ANAPC2: variants seen among roughly 807,000 people sequenced by gnomAD.
ANAPC2 encodes the protein anaphase-promoting complex subunit 2.
Under a neutral mutation model 84.3 loss-of-function variants are expected in ANAPC2, and 29 were observed. That is an observed-to-expected ratio of 0.34 (90% CI 0.26 to 0.47). The LOEUF is 0.47. Ranked by LOEUF, ANAPC2 falls within the 20% of genes least tolerant of loss-of-function variation. The pLI is 1.00. For synonymous variants in ANAPC2, 571 were observed against 479.4 expected (o/e 1.19, Z -2.50); for missense variants, 857 against 1,131.7 (o/e 0.76, Z 3.48).
intron 12 of ANAPC2, 40 bp from the exon 13 acceptor site, chr9:137,175,194 C>A: frequency 6.2e-7 from 1 of 1,603,344 alleles, no homozygotes; most frequent in East Asian, 2.3e-5. Context: ...ACCTGCAGGC[C>A]TCGCCCCCGC....
intron 10 of ANAPC2, among the ~76,000 whole-genome samples, chr9:137,177,409 C>T (rs980788121): frequency 6.8e-6 from 1 of 148,012 alleles, no homozygotes; most frequent in Non-Finnish European, 1.5e-5. Flanking sequence ...GCTGATTTCA[C>T]GGCGTCCCAG....
intron 10 of ANAPC2, among the ~76,000 whole-genome samples, chr9:137,178,439 C>T (rs530592821): frequency 1.3e-5 from 2 of 152,356 alleles, no homozygotes; most frequent in South Asian, 2.1e-4. Flanking sequence ...GCCTGAGCAA[C>T]AGGAAGTGGC....
At chr9:137,185,382 C>T (rs1417230158) in intron 3 of ANAPC2, among the ~76,000 whole-genome samples, 1 of 152,240 alleles carries the variant, frequency 6.6e-6, no homozygotes, top group Non-Finnish European at 1.5e-5. Context: ...ACGACCTGTG[C>T]GCTGTGCCTG....
chr9:137,181,499 C>T (rs1246174281), intron 7 of ANAPC2, among the ~76,000 whole-genome samples, 182 bp downstream of exon 7: 1 of 152,232 alleles, frequency 6.6e-6, no homozygotes, highest in Non-Finnish European at 1.5e-5. Context: ...AACAGCCCAT[C>T]ACCGGCCTGC....
chr9:137,184,860 C>T lies in ANAPC2; in HGVS notation c.1048+53G>A, dbSNP rs1283106174. 18 of 1,595,368 alleles carry T rather than the reference C, an allele frequency of 1.1e-5. No homozygotes were observed. In the Admixed American group the frequency reaches 2.9e-4, roughly 26 times the overall value. On this transcript the variant is annotated intron_variant, in intron 4 of 12. Transcript: ENST00000323927. ...ACACAGAGGAGACACGGGGAAGGCC[C>T]TGGGAAGACTCCCCAGACGGGAGAG...
At chr9:137,180,642 CA>C in intron 8 of ANAPC2, 115 bp from the exon 9 acceptor site, 2 of 1,568,684 alleles carry the variant, frequency 1.3e-6, no homozygotes, top group Non-Finnish European at 1.7e-6. Flanking sequence ...GTGGGCACCC[CA>C]ATGGCTAGCA....
chr9:137,179,009 C>G (rs911023855), intron 10 of ANAPC2, among the ~76,000 whole-genome samples: 1 of 152,224 alleles, frequency 6.6e-6, no homozygotes, highest in Non-Finnish European at 1.5e-5. Flanking sequence ...GAAAACACAT[C>G]TAGGTCCAGC....
rs1265175944 is a variant in ANAPC2 at position 137,183,220 on chromosome 9, G to A, written c.1191C>T (p.Ile397=). Residue 397 remains isoleucine, a synonymous_variant, in exon 6 of 13, where the codon ATC becomes ATT. Transcript: ENST00000323927. ...LHPGVNTCDI[I]TLYISAIKAL... is the part of the protein sequence containing the mutation. Reference sequence around the variant, plus strand: ...CCTTGATGGCAGAGATATAGAGGGTGATGATGTCACACGTGTTGACGCCTA... The same window carrying A: ...CCTTGATGGCAGAGATATAGAGGGTAATGATGTCACACGTGTTGACGCCTA... 1.2e-6 allele frequency: 2 copies of A among 1,613,122 alleles called. No homozygotes were observed. Among genetic ancestry groups the A allele is most frequent in the South Asian group, 2.2e-5 (2 of 91,086 alleles).
intron 10 of ANAPC2, 166 bp from the exon 11 acceptor site, chr9:137,176,003 CTGCT>C: frequency 1.2e-6 from 1 of 800,072 alleles, no homozygotes; most frequent in Non-Finnish European, 1.9e-6. Flanking sequence ...GGGTCCCCAC[CTGCT>C]CAGCCACCAT....
chr9:137,179,257 C>G (rs904500785), intron 10 of ANAPC2, among the ~76,000 whole-genome samples: 1 of 152,162 alleles, frequency 6.6e-6, no homozygotes, highest in Non-Finnish European at 1.5e-5. Context: ...GTCCTGAGCA[C>G]TCGCTGGGCA....
At chr9:137,180,063 G>T in intron 10 of ANAPC2, 118 bp downstream of exon 10, 2 of 1,198,940 alleles carry the variant, frequency 1.7e-6, no homozygotes, top group Admixed American at 2.3e-5. Context: ...TGCGAGACAG[G>T]ACCAACCCAG....
At position 137,183,847 on chromosome 9, in the gene ANAPC2, G is replaced by A. The variant is rs1043606677; in HGVS notation, c.1049-56C>T. On this transcript the variant is annotated intron_variant, in intron 4 of 12. Coordinates refer to ENST00000323927, the MANE Select transcript of ANAPC2 (RefSeq NM_013366.4). The stretch of plus-strand genomic sequence containing the variant: ...GACATGGATGCGTGCGCACGTGCAG[G>A]CTGGTGCAGAGTGTGTGCGGTGTGG... 18 of 1,596,522 alleles carry A rather than the reference G, an allele frequency of 1.1e-5. No homozygotes were observed. In the Admixed American group the frequency reaches 1.2e-4, roughly 10 times the overall value.
In ANAPC2 at chr9:137,184,981, T is replaced by C; in HGVS notation, c.980A>G (p.His327Arg). ...GATGCGGTAGAAGAACCTTTGCACGTGGCAGCGCCAGCGGCGCAGGGTGTT... is the reference window on the plus strand; with the variant it reads ...GATGCGGTAGAAGAACCTTTGCACGCGGCAGCGCCAGCGGCGCAGGGTGTT... ...AGNTLRRWRCHVQRFFYRIYA... is the reference protein window; with the variant it reads ...AGNTLRRWRCRVQRFFYRIYA... The change falls in exon 4 of 13, where the codon CAC (histidine) becomes CGC (arginine). Residue 327 changes from histidine (H) to arginine (R), a missense_variant. Physicochemically the swap from His to Arg is conservative, Grantham distance 29. Transcript: ENST00000323927. 2 of 1,612,014 alleles carry C rather than the reference T, an allele frequency of 1.2e-6. No individual in the cohort carries two copies. The highest frequency in any genetic ancestry group is 1.7e-6 in the Non-Finnish European group (2 of 1,179,532).
intron 11 of ANAPC2, 76 bp from the exon 12 acceptor site, chr9:137,175,548 G>A: frequency 6.7e-7 from 1 of 1,484,262 alleles, no homozygotes; most frequent in Non-Finnish European, 9.0e-7. Context: ...CAGCCGAGAG[G>A]TCGGGGGGCT....
chr9:137,187,590 G>T lies in ANAPC2; in HGVS notation c.631C>A (p.Arg211=). The part of the protein sequence containing the change: ...GELDSRYARR[R]YYRLLQSPLC... Reference sequence around the variant, plus strand: ...GGGCTCTGCAGGAGCCGGTAGTACCGGCGACGGGCATACCGGCTGTCCAGC... The same window carrying T: ...GGGCTCTGCAGGAGCCGGTAGTACCTGCGACGGGCATACCGGCTGTCCAGC... Residue 211 remains arginine (R), a synonymous_variant, in exon 2 of 13, where the codon CGG becomes AGG. Transcript: ENST00000323927. 2 of 1,613,986 alleles carry T rather than the reference G, an allele frequency of 1.2e-6. No homozygotes were observed. Among genetic ancestry groups the T allele is most frequent in the South Asian group, 1.1e-5 (1 of 91,090 alleles).
intron 7 of ANAPC2, 94 bp from the exon 8 acceptor site, chr9:137,181,023 C>T (rs1335001486): frequency 1.3e-6 from 2 of 1,499,652 alleles, no homozygotes; most frequent in African/African-American, 1.4e-5. Context: ...CGGCACAGCC[C>T]AGCATGGCTC....
chr9:137,186,524 C>G, intron 2 of ANAPC2, 168 bp from the exon 3 acceptor site: 1 of 1,031,398 alleles, frequency 9.7e-7, no homozygotes, highest in Non-Finnish European at 1.4e-6. Flanking sequence ...GGCGGTTGTA[C>G]CAAAGGCTTC....
rs983940549 is a variant in ANAPC2 at position 137,183,484 on chromosome 9, A to G, written c.1168+188T>C. ...CTACCGGTCAGTCCTGACTCCCTCCAAAGAAGAAACAAGCAAGCTGACGGG... is the reference window on the plus strand; with the variant it reads ...CTACCGGTCAGTCCTGACTCCCTCCGAAGAAGAAACAAGCAAGCTGACGGG... On this transcript the variant is annotated intron_variant, in intron 5 of 12. Coordinates refer to ENST00000323927, the MANE Select transcript of ANAPC2 (RefSeq NM_013366.4). The G allele has an allele frequency of 4.2e-6, 4 of 958,478 alleles. No homozygotes were observed. In the South Asian group the frequency reaches 6.9e-5, roughly 17 times the overall value. The allele number at this position is 958,478 out of a possible 1,614,324, so 59.4% of individuals were successfully genotyped here.
intron 5 of ANAPC2, 58 bp from the exon 6 acceptor site, chr9:137,183,300 G>A (rs1229856856): frequency 7.1e-7 from 1 of 1,404,326 alleles, no homozygotes; most frequent in Non-Finnish European, 1.0e-6. Flanking sequence ...GCCTCCCAGG[G>A]GCAACACCCG....
Sources: gnomAD v4.1 joint callset for allele counts (sites outside exome capture counted in the v4.1 genomes callset) on GRCh38, gnomAD v4.1.1 for gene constraint, MANE v1.5 for transcripts, NCBI Gene and HGNC (gene_info 2026-07-23, HGNC 2026-07-21) for gene names.